Variants in FOXJ3 observed in about 807,000 individuals in gnomAD.
The protein encoded by FOXJ3 is forkhead box protein J3.
In FOXJ3, 22 loss-of-function variants were observed where a neutral mutation model predicts 76.1. The ratio of observed to expected loss-of-function variants is 0.29; its 90% CI spans 0.21 to 0.41. FOXJ3 has a LOEUF of 0.41. FOXJ3 is among the 10% of genes least tolerant of loss of function. The pLI, the probability that FOXJ3 is intolerant of heterozygous loss-of-function variation, is 1.00. For missense variants in FOXJ3, 613 were observed against 762.1 expected, an observed-to-expected ratio of 0.80 and a Z score of 2.30; for synonymous variants, 269 against 261.2, an observed-to-expected ratio of 1.03 and a Z score of -0.29.
At chr1:42,309,397 C>A (rs1218160497) in intron 2 of FOXJ3, among the ~76,000 whole-genome samples, 1 of 152,216 alleles carries the variant, frequency 6.6e-6, no homozygotes, top group East Asian at 1.9e-4. Context: ...CTCCATCATA[C>A]TTTAAGATCT....
At chr1:42,202,642 CAAG>C (rs1646785365) in intron 6 of FOXJ3, among the ~76,000 whole-genome samples, 1 of 152,070 alleles carries the variant, frequency 6.6e-6, no homozygotes, top group East Asian at 1.9e-4. Context: ...GTTTCTATCA[CAAG>C]GAGAAAAAAA....
intron 3 of FOXJ3, among the ~76,000 whole-genome samples, chr1:42,275,446 G>A (rs1309844638): frequency 2.6e-5 from 4 of 152,004 alleles, no homozygotes; most frequent in South Asian, 4.2e-4. Flanking sequence ...CTATAATCCC[G>A]GCACTTTGGG....
chr1:42,219,912 T>G (rs1460509371), intron 5 of FOXJ3, among the ~76,000 whole-genome samples: 1 of 152,170 alleles, frequency 6.6e-6, no homozygotes, highest in Non-Finnish European at 1.5e-5. Context: ...GGCTGAGACT[T>G]TGTCTCCAAC....
intron 2 of FOXJ3, among the ~76,000 whole-genome samples, chr1:42,303,093 ATT>A (rs1654256563): frequency 6.6e-6 from 1 of 152,190 alleles, no homozygotes; most frequent in African/African-American, 2.4e-5. Context: ...TAAGAAGAAT[ATT>A]GTTTGGCAGA....
chr1:42,191,622 G>A lies in FOXJ3; in HGVS notation c.1032C>T (p.Ser344=). ...GACTGTTGGACAGGCTGCTTTGGTT[G>A]CTGTGTGGGTGAGTGCTCACTGTAC... ...PSSTVSTHPH[S]NQSSLSNSHG... is the part of the protein sequence containing the mutation. The change falls in exon 9 of 13, where the codon AGC becomes AGT. Residue 344 remains serine, a synonymous_variant. Coordinates refer to ENST00000361346, the MANE Select transcript of FOXJ3 (RefSeq NM_014947.5). 1 of 1,614,204 alleles carries A rather than the reference G, an allele frequency of 6.2e-7. No homozygotes were observed. Among genetic ancestry groups the A allele is most frequent in the Non-Finnish European group, 8.5e-7 (1 of 1,180,040 alleles).
chr1:42,226,041 C>T (rs1189894619), intron 5 of FOXJ3, among the ~76,000 whole-genome samples: 2 of 152,178 alleles, frequency 1.3e-5, no homozygotes, highest in African/African-American at 4.8e-5. Flanking sequence ...TTCTTCAGCT[C>T]TTCAATCTTT....
chr1:42,245,877 C>T (rs2124543301), intron 4 of FOXJ3, among the ~76,000 whole-genome samples: 1 of 152,130 alleles, frequency 6.6e-6, no homozygotes, highest in South Asian at 2.1e-4. Context: ...GCAAATTGTC[C>T]CTCTTTGCAC....
At chr1:42,275,256 T>G (rs1043458490) in intron 3 of FOXJ3, among the ~76,000 whole-genome samples, 2 of 152,128 alleles carry the variant, frequency 1.3e-5, no homozygotes, top group African/African-American at 4.8e-5. Context: ...GCAAAAGTGT[T>G]GAAGTAGGAA....
At chr1:42,322,365 G>C (rs1459942628) in intron 1 of FOXJ3, among the ~76,000 whole-genome samples, 1 of 151,118 alleles carries the variant, frequency 6.6e-6, no homozygotes, top group African/African-American at 2.4e-5. Context: ...TGATGGCATG[G>C]GTAATATAAG....
At chr1:42,287,531 C>A (rs1293156913) in intron 2 of FOXJ3, among the ~76,000 whole-genome samples, 1 of 152,174 alleles carries the variant, frequency 6.6e-6, no homozygotes, top group Non-Finnish European at 1.5e-5. Context: ...TTCTCCAACT[C>A]TTCTCACAAG....
intron 1 of FOXJ3, among the ~76,000 whole-genome samples, chr1:42,322,855 G>T (rs2124778397): frequency 6.6e-6 from 1 of 152,242 alleles, no homozygotes; most frequent in South Asian, 2.1e-4. Context: ...TAGAAGAACA[G>T]TATCCAGAAA....
At chr1:42,284,789 C>T (rs114137694) in intron 2 of FOXJ3, among the ~76,000 whole-genome samples, 1 of 152,198 alleles carries the variant, frequency 6.6e-6, no homozygotes. Flanking sequence ...TTTATTTCCA[C>T]TAACTTGTGA....
chr1:42,277,421 G>GGGA (rs1249922745), intron 3 of FOXJ3, among the ~76,000 whole-genome samples: 1 of 151,864 alleles, frequency 6.6e-6, no homozygotes, highest in Non-Finnish European at 1.5e-5. Context: ...CCAGCACTTT[G>GGGA]GGAGGCCGAG....
chr1:42,320,644 A>G (rs1161465852), intron 1 of FOXJ3, among the ~76,000 whole-genome samples: 2 of 152,238 alleles, frequency 1.3e-5, no homozygotes, highest in Non-Finnish European at 2.9e-5. Flanking sequence ...AGATCACATT[A>G]TATGTTTAAA....
intron 1 of FOXJ3, among the ~76,000 whole-genome samples, chr1:42,324,405 T>A (rs1002173714): frequency 6.8e-6 from 1 of 148,088 alleles, no homozygotes; most frequent in Admixed American, 6.8e-5. Context: ...ATATATACTA[T>A]ATATAACATA....
intron 3 of FOXJ3, among the ~76,000 whole-genome samples, chr1:42,277,387 G>T (rs1461926393): frequency 4.0e-5 from 6 of 151,710 alleles, no homozygotes; most frequent in Non-Finnish European, 5.9e-5. Flanking sequence ...TCTTGGCCAG[G>T]CACGGTGGCT....
rs776037986 is a variant in FOXJ3, at chr1:42,179,676, A to G, written c.*34T>C. ...CTTTCCCTTCACTGCACAGAAAGGT[A>G]ACGTTAGGGTCTGGTGTCTTGCAGA... On this transcript the variant is annotated 3_prime_UTR_variant, in exon 13 of 13. Coordinates refer to ENST00000361346, the MANE Select transcript of FOXJ3 (RefSeq NM_014947.5). 7.6e-7 allele frequency: 1 copy of G among 1,312,638 alleles called. No homozygotes were observed. The highest frequency in any genetic ancestry group is 1.1e-6 in the Non-Finnish European group (1 of 906,156). 81.3% of individuals were successfully genotyped at this position (1,312,638 alleles called of 1,614,324 possible).
chr1:42,297,386 C>T (rs77872829), intron 2 of FOXJ3, among the ~76,000 whole-genome samples: 3 of 152,130 alleles, frequency 2.0e-5, no homozygotes, highest in Admixed American at 6.5e-5. Context: ...TCCCTTTCAA[C>T]ATGATGTTGT....
At chr1:42,327,962 T>C (rs1655935922) in intron 1 of FOXJ3, among the ~76,000 whole-genome samples, 1 of 151,892 alleles carries the variant, frequency 6.6e-6, no homozygotes, top group African/African-American at 2.4e-5. Context: ...TTGAAGACAA[T>C]AAAAATAGAT....
Sources: allele counts gnomAD v4.1 joint callset (sites outside exome capture counted in the v4.1 genomes callset), GRCh38; gene constraint gnomAD v4.1.1; transcripts MANE v1.5; gene names NCBI Gene and HGNC (gene_info 2026-07-23, HGNC 2026-07-21).